AGBL4: variants seen among roughly 807,000 people sequenced by gnomAD.
The protein encoded by AGBL4 is AGBL carboxypeptidase 4, also known as cytosolic carboxypeptidase 6.
AGBL4 carries 58 observed loss-of-function variants against 66.4 expected under a neutral mutation model. That is an observed-to-expected ratio of 0.87 (90% CI 0.71 to 1.09). The LOEUF (loss-of-function observed/expected upper bound fraction) is 1.09, where lower values mean the gene tolerates loss of function less well. AGBL4 is among the 50% of genes least tolerant of loss of function. The pLI is 0.00. For missense variants in AGBL4, 579 were observed against 631.0 expected, an observed-to-expected ratio of 0.92 and a Z score of 0.88; for synonymous variants, 234 against 222.9, an observed-to-expected ratio of 1.05 and a Z score of -0.44.
intron 5 of AGBL4, among the ~76,000 whole-genome samples, chr1:48,954,215 AG>A (rs1270247071): frequency 6.6e-6 from 1 of 152,232 alleles, no homozygotes; most frequent in Non-Finnish European, 1.5e-5. Flanking sequence ...AAACCGGTCA[AG>A]AACTTACCAA....
At chr1:48,863,268 TA>T (rs1211765596) in intron 6 of AGBL4, among the ~76,000 whole-genome samples, 4 of 151,936 alleles carry the variant, frequency 2.6e-5, no homozygotes, top group Non-Finnish European at 5.9e-5. Context: ...AGGTTAGAAA[TA>T]AAATAGATAG....
At chr1:49,846,092 A>T in intron 2 of AGBL4, 1 of 1,547,012 alleles carries the variant, frequency 6.5e-7, no homozygotes, top group East Asian at 2.3e-5. Flanking sequence ...CTATGAATGT[A>T]ACCAGTGTAG....
intron 3 of AGBL4, among the ~76,000 whole-genome samples, chr1:49,583,559 C>G (rs940961784): frequency 4.6e-5 from 7 of 151,988 alleles, no homozygotes; most frequent in Non-Finnish European, 8.8e-5. Flanking sequence ...AAATGGGGGG[C>G]AGTCTTATGG....
chr1:48,766,407 T>C (rs1644533700), intron 6 of AGBL4, among the ~76,000 whole-genome samples: 1 of 152,190 alleles, frequency 6.6e-6, no homozygotes, highest in Non-Finnish European at 1.5e-5. Flanking sequence ...ACAGCTACAG[T>C]TGAGGACATC....
chr1:49,713,933 T>C (rs1447624628), intron 2 of AGBL4, among the ~76,000 whole-genome samples: 1 of 152,034 alleles, frequency 6.6e-6, no homozygotes, highest in Non-Finnish European at 1.5e-5. Flanking sequence ...CTGGCTTTAC[T>C]TCTAAATGGA....
intron 3 of AGBL4, among the ~76,000 whole-genome samples, chr1:49,610,895 A>G (rs1388711994): frequency 1.3e-5 from 2 of 152,238 alleles, no homozygotes; most frequent in Admixed American, 6.5e-5. Context: ...CTGGAAATAG[A>G]TGGCAAATTC....
chr1:50,005,812 A>G (rs1661080329), intron 1 of AGBL4, among the ~76,000 whole-genome samples: 1 of 152,222 alleles, frequency 6.6e-6, no homozygotes, highest in African/African-American at 2.4e-5. Flanking sequence ...GATTAAAATA[A>G]TTAAAAAGTA....
chr1:49,865,769 A>G (rs902511054), intron 1 of AGBL4: 3 of 161,156 alleles, frequency 1.9e-5, no homozygotes, highest in African/African-American at 7.2e-5. Flanking sequence ...GGATGAACTG[A>G]CAGAAGTAGG....
intron 4 of AGBL4, among the ~76,000 whole-genome samples, chr1:49,151,218 G>A (rs1262259455): frequency 2.7e-5 from 4 of 148,502 alleles, no homozygotes; most frequent in South Asian, 2.1e-4. Flanking sequence ...GCAGTGAGCC[G>A]AGATCGTGCC....
At chr1:48,964,013 A>G (rs1658216892) in intron 5 of AGBL4, among the ~76,000 whole-genome samples, 1 of 152,236 alleles carries the variant, frequency 6.6e-6, no homozygotes, top group African/African-American at 2.4e-5. Flanking sequence ...GTCTCCAGAT[A>G]TGAATCACAA....
At chr1:49,967,711 T>C (rs1657683672) in intron 1 of AGBL4, among the ~76,000 whole-genome samples, 1 of 152,186 alleles carries the variant, frequency 6.6e-6, no homozygotes, top group Non-Finnish European at 1.5e-5. Flanking sequence ...CAGAAATATG[T>C]AAGACTATCC....
At chr1:48,529,548 C>T (rs527261385), downstream of AGBL4, among the ~76,000 whole-genome samples, 1 of 152,168 alleles carries the variant, frequency 6.6e-6, no homozygotes, top group East Asian at 1.9e-4. Flanking sequence ...TGACTTTAAA[C>T]TCGGGCTGTT....
At chr1:49,683,213 T>C (rs530052985) in intron 3 of AGBL4, among the ~76,000 whole-genome samples, 1 of 152,268 alleles carries the variant, frequency 6.6e-6, no homozygotes, top group African/African-American at 2.4e-5. Flanking sequence ...GAGAATCATA[T>C]CAGCCTGGGA....
chr1:49,739,892 C>A (rs1650275243), intron 2 of AGBL4, among the ~76,000 whole-genome samples: 2 of 152,086 alleles, frequency 1.3e-5, no homozygotes, highest in Admixed American at 6.6e-5. Flanking sequence ...TACAAGAGCT[C>A]CTGAAGGAAG....
chr1:48,560,576 C>T (rs1644382526), intron 11 of AGBL4, among the ~76,000 whole-genome samples: 2 of 152,262 alleles, frequency 1.3e-5, no homozygotes, highest in East Asian at 1.9e-4. Flanking sequence ...CAAAAAATCC[C>T]TGAATAAGCT....
chr1:49,879,630 T>C (rs1027970283), intron 1 of AGBL4, among the ~76,000 whole-genome samples: 3 of 147,276 alleles, frequency 2.0e-5, no homozygotes, highest in Non-Finnish European at 4.5e-5. Flanking sequence ...AATCTGACAA[T>C]TATGTGTCTT....
chr1:48,754,158 G>A (rs932878239), intron 6 of AGBL4, among the ~76,000 whole-genome samples: 55 of 152,142 alleles, frequency 3.6e-4, no homozygotes, highest in African/African-American at 8.9e-4. Flanking sequence ...GGACACCGTA[G>A]CCTTGGACTT....
In AGBL4 at chr1:49,050,478, A is replaced by G. The variant is rs186732099; in HGVS notation, c.378-4678T>C. On this transcript the variant is annotated intron_variant, in intron 4 of 13. Transcript: ENST00000371839. ...TATAGATGAAGTGCCAAGAACACTT[A>G]TGAATGGATAAATGTTTGTGAATAA... Among the ~76,000 whole-genome samples, 277 of 152,250 alleles carry G rather than the reference A, an allele frequency of 1.8e-3. 2 individuals are homozygous for G. Among genetic ancestry groups the G allele is most frequent in the African/African-American group, 6.3e-3 (263 of 41,556 alleles).
chr1:49,145,681 G>A (rs960966758), intron 4 of AGBL4, among the ~76,000 whole-genome samples: 3 of 152,018 alleles, frequency 2.0e-5, no homozygotes, highest in African/African-American at 4.8e-5. Context: ...TAAGAACCTC[G>A]ACTTCACGTG....
Sources: gnomAD v4.1 joint callset for allele counts (sites outside exome capture counted in the v4.1 genomes callset) on GRCh38, gnomAD v4.1.1 for gene constraint, MANE v1.5 for transcripts, NCBI Gene and HGNC (gene_info 2026-07-23, HGNC 2026-07-21) for gene names.